CCT3: variants seen among roughly 807,000 people sequenced by gnomAD.
The protein encoded by CCT3 is chaperonin containing TCP1 subunit 3, also known as T-complex protein 1 subunit gamma.
In CCT3, 10 loss-of-function variants were observed where a neutral mutation model predicts 65.3. The ratio of observed to expected loss-of-function variants is 0.15; its 90% CI spans 0.09 to 0.26. The LOEUF (loss-of-function observed/expected upper bound fraction) is 0.26. Ranked by LOEUF, CCT3 falls within the 10% of genes least tolerant of loss-of-function variation. The pLI is 1.00. For synonymous variants in CCT3, 225 were observed against 242.3 expected (o/e 0.93, Z 0.66); for missense variants, 626 against 708.7 (o/e 0.88, Z 1.33).
chr1:156,323,298 A>C (rs1664646464), intron 6 of CCT3, among the ~76,000 whole-genome samples: 1 of 142,492 alleles, frequency 7.0e-6, no homozygotes, highest in Non-Finnish European at 1.6e-5. Flanking sequence ...CAACAAGTAC[A>C]AAAACTCCGT....
rs373377659 is a variant in CCT3, at chr1:156,334,882, T to G, written c.130A>C (p.Lys44Gln). 2.5e-6 allele frequency: 4 copies of G among 1,614,130 alleles called. No homozygotes were observed. The highest frequency in any genetic ancestry group is 1.6e-4 in the Middle Eastern group (1 of 6,062). ...GATAAGCCTACCTTCATCATGGACTTGGGTCCCAAACATGTTCGGATGATA... is the reference window on the plus strand; with the variant it reads ...GATAAGCCTACCTTCATCATGGACTGGGGTCCCAAACATGTTCGGATGATA... ...ADIIRTCLGPKSMMKMLLDPM... is the reference protein window; with the variant it reads ...ADIIRTCLGPQSMMKMLLDPM... The change falls in exon 3 of 14, where the codon AAG becomes CAG. Residue 44 changes from lysine to glutamine, a missense_variant. Coordinates refer to ENST00000295688, the MANE Select transcript of CCT3 (RefSeq NM_005998.5).
chr1:156,332,426 T>A (rs557413576), intron 5 of CCT3, among the ~76,000 whole-genome samples: 5 of 152,292 alleles, frequency 3.3e-5, no homozygotes, highest in African/African-American at 9.6e-5. Flanking sequence ...TATGATCCTA[T>A]AGGAAGTAGA....
intron 4 of CCT3, 122 bp downstream of exon 4, chr1:156,334,591 C>A: frequency 1.2e-6 from 1 of 856,866 alleles, no homozygotes; most frequent in Non-Finnish European, 1.8e-6. Context: ...TTGAAGCCAA[C>A]CAGTTTCTGG....
chr1:156,317,508 T>G lies in CCT3; in HGVS notation c.799A>C (p.Ile267Leu). 6.2e-7 allele frequency: 1 copy of G among 1,613,904 alleles called. No individual in the cohort carries two copies. The highest frequency in any genetic ancestry group is 1.3e-5 in the African/African-American group (1 of 75,034). ...EITREEDFTRILQMEEEYIQQ... is the reference protein window; with the variant it reads ...EITREEDFTRLLQMEEEYIQQ... ...ATGTACTCTTCCTCCATCTGGAGAA[T>G]TCGGGTGAAGTCCTCCTCTCGTGTA... The change falls in exon 9 of 14, where the codon ATT (isoleucine) becomes CTT (leucine). Residue 267 changes from isoleucine (I) to leucine (L), a missense_variant. By Grantham distance (5) the Ile-to-Leu change is conservative. Transcript: ENST00000295688.
chr1:156,312,014 C>T, intron 11 of CCT3, 27 bp downstream of exon 11: 3 of 1,577,984 alleles, frequency 1.9e-6, no homozygotes, highest in Non-Finnish European at 2.6e-6. Context: ...TCTACTTCAT[C>T]TGGTCATACA....
intron 9 of CCT3, 33 bp downstream of exon 9, chr1:156,317,381 CA>C (rs749462308): frequency 1.9e-6 from 3 of 1,602,662 alleles, no homozygotes; most frequent in Non-Finnish European, 2.6e-6. Context: ...TCGTCTACCT[CA>C]AAGGTAGGCT....
At chr1:156,326,560 GA>G (rs1664814990) in intron 5 of CCT3, among the ~76,000 whole-genome samples, 1 of 144,394 alleles carries the variant, frequency 6.9e-6, no homozygotes, top group African/African-American at 2.6e-5. Context: ...TGAGGCAGGA[GA>G]ATCGCTTGAA....
chr1:156,331,441 G>A (rs1258976406), intron 5 of CCT3, among the ~76,000 whole-genome samples: 1 of 152,114 alleles, frequency 6.6e-6, no homozygotes, highest in African/African-American at 2.4e-5. Flanking sequence ...CCAGTACTTT[G>A]GAAGGCCGAG....
intron 10 of CCT3, among the ~76,000 whole-genome samples, chr1:156,315,353 C>A (rs1664264387): frequency 6.6e-6 from 1 of 152,128 alleles, no homozygotes; most frequent in African/African-American, 2.4e-5. Flanking sequence ...GGATTACAGG[C>A]ATGCACCACC....
chr1:156,335,917 G>A, intron 1 of CCT3, 29 bp from the exon 2 acceptor site: 1 of 1,567,884 alleles, frequency 6.4e-7, no homozygotes, highest in Non-Finnish European at 8.8e-7. Context: ...CAAGTCAACA[G>A]CCCAGGACTG....
intron 10 of CCT3, among the ~76,000 whole-genome samples, chr1:156,314,810 T>G (rs1393295342): frequency 6.6e-6 from 1 of 152,142 alleles, no homozygotes; most frequent in Non-Finnish European, 1.5e-5. Context: ...AGGAAGATGA[T>G]GTAGAAGCAG....
In CCT3 at chr1:156,333,616, A is replaced by G. The variant is rs1358588179; in HGVS notation, c.235T>C (p.Ser79Pro). Residue 79 changes from serine (S) to proline (P), a missense_variant, in exon 5 of 14, where the codon TCC becomes CCC. Transcript: ENST00000295688. ...EIQVQHPAAK[S>P]MIEISRTQDE... ...TGGGTCCGGCTAATTTCGATCATGG[A>G]CTTGGCCGCTGGATGCTGGACTTGA... The G allele has an allele frequency of 1.2e-6, 2 of 1,613,996 alleles. No individual in the cohort carries two copies. The highest frequency in any genetic ancestry group is 2.2e-5 in the East Asian group (1 of 44,872).
Position 156,309,106 on chromosome 1 carries a change from T to G in CCT3, c.*93A>C. On this transcript the variant is annotated 3_prime_UTR_variant, in exon 14 of 14. Transcript: ENST00000295688. ...GGCTGCCCCCCAACCTGATCCCTTC[T>G]GAACAAAGACGTCCACAGTGTTCCT... 3 of 881,670 alleles carry G rather than the reference T, an allele frequency of 3.4e-6. No homozygotes were observed. Among genetic ancestry groups the G allele is most frequent in the Non-Finnish European group, 5.7e-6 (3 of 527,502 alleles). The allele number at this position is 881,670 out of a possible 1,614,324, so 54.6% of individuals were successfully genotyped here.
At chr1:156,320,015 G>A (rs1399559837) in intron 7 of CCT3, among the ~76,000 whole-genome samples, 1 of 152,132 alleles carries the variant, frequency 6.6e-6, no homozygotes, top group East Asian at 1.9e-4. Flanking sequence ...AGCAGTGAAG[G>A]TAACAACAAA....
chr1:156,314,086 C>CA (rs139747435), intron 10 of CCT3, among the ~76,000 whole-genome samples: 3 of 96,500 alleles, frequency 3.1e-5, no homozygotes, highest in African/African-American at 8.0e-5. Context: ...ACTCTGTCTC[C>CA]AAAAAAAAAA....
chr1:156,332,873 G>T (rs1307283200), intron 5 of CCT3: 1 of 152,430 alleles, frequency 6.6e-6, no homozygotes, highest in East Asian at 1.9e-4. Flanking sequence ...TATTAAATGG[G>T]TGTCTTGAAG....
At chr1:156,334,017 C>T (rs1302234302) in intron 4 of CCT3, among the ~76,000 whole-genome samples, 1 of 152,074 alleles carries the variant, frequency 6.6e-6, no homozygotes, top group Non-Finnish European at 1.5e-5. Flanking sequence ...GCAGGTGGAT[C>T]GCCTGAGGTC....
intron 1 of CCT3, among the ~76,000 whole-genome samples, chr1:156,336,785 C>G (rs1665393793): frequency 6.6e-6 from 1 of 152,158 alleles, no homozygotes; most frequent in Non-Finnish European, 1.5e-5. Flanking sequence ...GTAAATCTTT[C>G]AATCCAGTCC....
At chr1:156,326,979 G>A (rs1489512232) in intron 5 of CCT3, among the ~76,000 whole-genome samples, 1 of 152,202 alleles carries the variant, frequency 6.6e-6, no homozygotes, top group Non-Finnish European at 1.5e-5. Flanking sequence ...CTGAGAGGCA[G>A]AGGTTGCAGT....
Sources: allele counts gnomAD v4.1 joint callset (sites outside exome capture counted in the v4.1 genomes callset), GRCh38; gene constraint gnomAD v4.1.1; transcripts MANE v1.5; gene names NCBI Gene and HGNC (gene_info 2026-07-23, HGNC 2026-07-21).